The following MAP1S variants were observed in gnomAD, a reference collection of about 807,000 sequenced individuals.
MAP1S encodes the protein microtubule-associated protein 1S.
A neutral mutation model predicts 60.9 loss-of-function variants in MAP1S; 27 were observed. The observed-to-expected ratio is 0.44, with a 90% CI of 0.33 to 0.61. The LOEUF is 0.61. MAP1S is among the 20% of genes least tolerant of loss of function. The pLI, the probability that MAP1S is intolerant of heterozygous loss-of-function variation, is 0.03. For synonymous variants in MAP1S, 826 were observed against 694.2 expected (o/e 1.19, Z -2.98); for missense variants, 1,608 against 1,486.6 (o/e 1.08, Z -1.34).
chr19:17,721,304 G>T (rs1285960007), intron 2 of MAP1S: 1 of 456,630 alleles, frequency 2.2e-6, no homozygotes, highest in Non-Finnish European at 4.1e-6. Flanking sequence ...TGAGGAGGGG[G>T]TTTTTTGATG....
chr19:17,732,938 T>G (rs6512219), intron 5 of MAP1S: 114,255 of 507,614 alleles, frequency 0.23, 15,710 homozygotes, highest in African/African-American at 0.48. Flanking sequence ...TGTAGTCCCA[T>G]CTACTTGGAA....
chr19:17,729,855 G>A (rs1307231605), intron 5 of MAP1S, among the ~76,000 whole-genome samples: 3 of 152,144 alleles, frequency 2.0e-5, no homozygotes, highest in Non-Finnish European at 4.4e-5. Flanking sequence ...TAGAGATGGG[G>A]TTTCACCATG....
chr19:17,724,651 C>G (rs2080401214), intron 3 of MAP1S, among the ~76,000 whole-genome samples: 1 of 152,180 alleles, frequency 6.6e-6, no homozygotes, highest in Non-Finnish European at 1.5e-5. Flanking sequence ...GACCTTCTTA[C>G]AGGTTGATTC....
chr19:17,734,367 G>A lies in MAP1S; in HGVS notation c.3119G>A (p.Gly1040Asp), dbSNP rs904682917. Reference sequence around the variant, plus strand: ...CAGGCGCTGGGCATCACGGTGTTGGGCAGCAACAGCATGGTGTCCATGCAG... The same window carrying A: ...CAGGCGCTGGGCATCACGGTGTTGGACAGCAACAGCATGGTGTCCATGCAG... ...RHQALGITVLGSNSMVSMQDD... is the reference protein window; with the variant it reads ...RHQALGITVLDSNSMVSMQDD... The change falls in exon 7 of 7, where the codon GGC (glycine) becomes GAC (aspartate). Residue 1040 changes from glycine (G) to aspartate (D), a missense_variant. Physicochemically the swap from Gly to Asp is moderately conservative, Grantham distance 94. Around this residue, in one of 4 missense-constraint regions of MAP1S, gnomAD observed 76 missense variants for 110.1 expected, o/e 0.69. Coordinates refer to ENST00000324096, the MANE Select transcript of MAP1S (RefSeq NM_018174.6). The A allele has an allele frequency of 1.9e-6, 3 of 1,613,606 alleles. No homozygotes were observed. In the African/African-American group the frequency reaches 4.0e-5, roughly 22 times the overall value.
chr19:17,730,946 G>A (rs936689580), intron 5 of MAP1S, among the ~76,000 whole-genome samples: 17 of 145,708 alleles, frequency 1.2e-4, no homozygotes, highest in Non-Finnish European at 1.9e-4. Flanking sequence ...GCTGCAGCAT[G>A]GGAGCACTAT....
chr19:17,720,334 G>A, intron 1 of MAP1S: 3 of 1,508,248 alleles, frequency 2.0e-6, no homozygotes, highest in Non-Finnish European at 2.6e-6. Flanking sequence ...ATGTGCTTGA[G>A]GAGTGTTTAG....
chr19:17,725,851 C>G lies in MAP1S; in HGVS notation c.467C>G (p.Thr156Arg), dbSNP rs758768677. The G allele has an allele frequency of 6.2e-7, 1 of 1,612,498 alleles. No homozygotes were observed. ...DREIRDILATTPPPVQPPILT... is the reference protein window; with the variant it reads ...DREIRDILATRPPPVQPPILT... ...CAGATCCGGGACATCCTGGCCACCA[C>G]GCCCCCACCTGTGCAGCCGCCCATA... Residue 156 changes from threonine to arginine, a missense_variant, in exon 5 of 7, where the codon ACG becomes AGG. Around this residue, in one of 4 missense-constraint regions of MAP1S, gnomAD observed 320 missense variants for 393.1 expected, o/e 0.81. Transcript: ENST00000324096. The surrounding 1 kb of genome is among the most constrained non-coding windows in gnomAD (Gnocchi z 4.2).
chr19:17,729,501 G>C (rs1350804190), intron 5 of MAP1S, among the ~76,000 whole-genome samples: 7 of 152,044 alleles, frequency 4.6e-5, no homozygotes, highest in Admixed American at 4.6e-4. Flanking sequence ...CTGGCCTGCT[G>C]TGCTGTTCTT....
rs770804890 is a variant in MAP1S, at chr19:17,727,282, T to A, written c.1898T>A (p.Ile633Asn). 6.3e-7 allele frequency: 1 copy of A among 1,585,852 alleles called. No homozygotes were observed. Among genetic ancestry groups the A allele is most frequent in the Non-Finnish European group, 8.5e-7 (1 of 1,171,446 alleles). The change falls in exon 5 of 7, where the codon ATC (isoleucine) becomes AAC (asparagine). Residue 633 changes from isoleucine to asparagine, a missense_variant. Physicochemically the swap from Ile to Asn is moderately radical, Grantham distance 149 (BLOSUM62 -3). Transcript: ENST00000324096. This position sits in a 1 kb window ranked among gnomAD's most constrained non-coding sequence, Gnocchi z 4.1. Reference protein sequence around the residue: ...ALELPLAASSIPRPRTPSPES... With the variant: ...ALELPLAASSNPRPRTPSPES... Reference sequence around the variant, plus strand: ...GAGCTGCCTTTGGCCGCCAGCTCAATCCCAAGGCCACGCACACCCTCCCCT... The same window carrying A: ...GAGCTGCCTTTGGCCGCCAGCTCAAACCCAAGGCCACGCACACCCTCCCCT...
Position 17,726,119 on chromosome 19 carries a change from C to T in MAP1S, c.735C>T (p.Ile245=), listed in dbSNP as rs750942411. 1.9e-6 allele frequency: 3 copies of T among 1,613,936 alleles called. No homozygotes were observed. Among genetic ancestry groups the T allele is most frequent in the Admixed American group, 3.3e-5 (2 of 60,004 alleles). ...GGCTGGGCCGGCCCTGCTGCTACATCTTCCCTGGAGGCCTCGGGGATGCCG... is the reference window on the plus strand; with the variant it reads ...GGCTGGGCCGGCCCTGCTGCTACATTTTCCCTGGAGGCCTCGGGGATGCCG... ...FLRLGRPCCY[I]FPGGLGDAAF... Residue 245 remains isoleucine, a synonymous_variant, in exon 5 of 7, where the codon ATC becomes ATT. Transcript: ENST00000324096.
chr19:17,724,103 G>T (rs752757914), intron 2 of MAP1S, 23 bp from the exon 3 acceptor site: 1 of 1,603,712 alleles, frequency 6.2e-7, no homozygotes, highest in South Asian at 1.1e-5. Context: ...ATTTGACTCC[G>T]GGACGGCCTG....
rs775715132 is a variant in MAP1S at position 17,726,343 on chromosome 19, G to A, written c.959G>A (p.Gly320Asp). Residue 320 changes from glycine (G) to aspartate (D), a missense_variant, in exon 5 of 7, where the codon GGC becomes GAC. Gly to Asp is a moderately conservative substitution (Grantham distance 94). Around this residue, in one of 4 missense-constraint regions of MAP1S, gnomAD observed 1,167 missense variants for 961.4 expected, o/e 1.21. Transcript: ENST00000324096. ...CGCTCCGAGGTGGCTGCTGGTGGGG[G>A]CTCCTGGGACGACAGGCTGCGCAGG... The part of the protein sequence containing the change: ...AERSEVAAGG[G>D]SWDDRLRRLI... The A allele has an allele frequency of 2.2e-5, 36 of 1,601,558 alleles. No individual in the cohort carries two copies. Among genetic ancestry groups the A allele is most frequent in the Non-Finnish European group, 3.1e-5 (36 of 1,178,312 alleles).
chr19:17,724,221 T>C lies in MAP1S; in HGVS notation c.303+13T>C. 1.9e-6 allele frequency: 3 copies of C among 1,612,186 alleles called. No individual in the cohort carries two copies. Among genetic ancestry groups the C allele is most frequent in the Non-Finnish European group, 8.5e-7 (1 of 1,178,486 alleles). ...CCTGTATGATGAGGTAGGGAATGGC[T>C]GACGTCCTGGAGGGGGCGGGCTGCT... On this transcript the variant is annotated intron_variant, in intron 3 of 6. Coordinates refer to ENST00000324096, the MANE Select transcript of MAP1S (RefSeq NM_018174.6).
rs1568291130 is a variant in MAP1S at position 17,725,036 on chromosome 19, C to T, written c.304-13C>T. On this transcript the variant is annotated splice_polypyrimidine_tract_variant and intron_variant, in intron 3 of 6. Transcript: ENST00000324096. This position sits in a 1 kb window ranked among gnomAD's most constrained non-coding sequence, Gnocchi z 4.2. ...CACAGAACGGGTCCTTTAGTGTTCA[C>T]CCCCTCCCTCAGCTCCGGAACCTTC... 1 of 1,614,068 alleles carries T rather than the reference C, an allele frequency of 6.2e-7. No individual in the cohort carries two copies. Among genetic ancestry groups the T allele is most frequent in the Non-Finnish European group, 8.5e-7 (1 of 1,179,954 alleles).
chr19:17,730,212 C>T (rs2080481047), intron 5 of MAP1S, among the ~76,000 whole-genome samples: 1 of 152,222 alleles, frequency 6.6e-6, no homozygotes, highest in Non-Finnish European at 1.5e-5. Flanking sequence ...GTTTTGATTT[C>T]CATGTCCCTA....
chr19:17,728,321 C>A, intron 5 of MAP1S, 149 bp downstream of exon 5: 1 of 907,566 alleles, frequency 1.1e-6, no homozygotes, highest in Non-Finnish European at 1.6e-6. Flanking sequence ...GTGGTCACAG[C>A]TCATTGCAGC....
At chr19:17,734,128 A>G (rs1164744568) in intron 6 of MAP1S, 145 bp from the exon 7 acceptor site, 2 of 669,100 alleles carry the variant, frequency 3.0e-6, no homozygotes, top group African/African-American at 1.8e-5. Flanking sequence ...GCAGACCTCA[A>G]GGTGGAGCAC....
Position 17,734,343 on chromosome 19 carries a change from A to T in MAP1S, c.3095A>T (p.Gln1032Leu). The change falls in exon 7 of 7, where the codon CAG (glutamine) becomes CTG (leucine). Residue 1032 changes from glutamine to leucine, a missense_variant. Physicochemically the swap from Gln to Leu is moderately radical, Grantham distance 113. Coordinates refer to ENST00000324096, the MANE Select transcript of MAP1S (RefSeq NM_018174.6). ...TACGCAGAGACGCACGCCCGGCACC[A>T]GGCGCTGGGCATCACGGTGTTGGGC... ...TWYAETHARH[Q>L]ALGITVLGSN... The T allele has an allele frequency of 6.2e-7, 1 of 1,613,748 alleles. No individual in the cohort carries two copies. Among genetic ancestry groups the T allele is most frequent in the Non-Finnish European group, 8.5e-7 (1 of 1,179,934 alleles).
intron 5 of MAP1S, among the ~76,000 whole-genome samples, chr19:17,730,610 C>G (rs898428394): frequency 6.6e-6 from 1 of 152,240 alleles, no homozygotes; most frequent in Non-Finnish European, 1.5e-5. Context: ...GCCACCATAC[C>G]TAGCCCCCTT....
Sources: gnomAD v4.1 joint callset for allele counts (sites outside exome capture counted in the v4.1 genomes callset) on GRCh38, gnomAD v4.1.1 for gene constraint, gnomAD v4.1.1 regional missense constraint, Gnocchi (gnomAD v3.1) non-coding constraint, MANE v1.5 for transcripts, NCBI Gene and HGNC (gene_info 2026-07-23, HGNC 2026-07-21) for gene names.